KANK2: variants seen among roughly 807,000 people sequenced by gnomAD.
KANK2 encodes the protein KN motif and ankyrin repeat domains 2, also known as KN motif and ankyrin repeat domain-containing protein 2.
A neutral mutation model predicts 74.6 loss-of-function variants in KANK2; 41 were observed. The observed-to-expected ratio is 0.55, with a 90% CI of 0.43 to 0.71. The LOEUF (loss-of-function observed/expected upper bound fraction) is 0.71. KANK2 is among the 30% of genes least tolerant of loss of function. The probability of loss-of-function intolerance (pLI) is 0.00; values close to 1 mark genes in which losing one functional copy is unlikely to be tolerated. For synonymous variants in KANK2, 537 were observed against 519.0 expected (o/e 1.03, Z -0.47); for missense variants, 1,148 against 1,196.4 (o/e 0.96, Z 0.60).
chr19:11,171,587 T>A (rs2078174769), intron 10 of KANK2, among the ~76,000 whole-genome samples: 1 of 152,056 alleles, frequency 6.6e-6, no homozygotes. Flanking sequence ...TTCCCCAGGC[T>A]GGTCTGGAAC....
At chr19:11,181,916 A>ATTTT (rs371144441) in intron 4 of KANK2, among the ~76,000 whole-genome samples, 18 of 132,902 alleles carry the variant, frequency 1.4e-4, no homozygotes, top group East Asian at 1.3e-3. Context: ...AAGATGGTTA[A>ATTTT]TTTTTTTTTT....
rs998950377 is a variant in KANK2, at chr19:11,170,575, G to C, written c.2212-327C>G. The stretch of plus-strand genomic sequence containing the variant: ...AACAGGGTGAATGTATTTCATGCCA[G>C]TAGTGCTTTTGGTTTTGTTTTGCTT... On this transcript the variant is annotated intron_variant, in intron 10 of 12. Coordinates refer to ENST00000586659, the MANE Select transcript of KANK2 (RefSeq NM_001136191.3). The surrounding 1 kb of genome is among the most constrained non-coding windows in gnomAD (Gnocchi z 5.2). Among the ~76,000 whole-genome samples the C allele has an allele frequency of 6.6e-6, 1 of 152,186 alleles. No individual in the cohort carries two copies. Among genetic ancestry groups the C allele is most frequent in the Admixed American group, 6.5e-5 (1 of 15,274 alleles).
chr19:11,178,756 A>C (rs2078428033), intron 4 of KANK2, 36 bp from the exon 5 acceptor site: 1 of 1,483,038 alleles, frequency 6.7e-7, no homozygotes, highest in South Asian at 1.4e-5. Context: ...GCTCTTGGTC[A>C]TAAAAGCCAA....
intron 4 of KANK2, among the ~76,000 whole-genome samples, chr19:11,190,368 T>C (rs989273715): frequency 1.3e-5 from 2 of 152,072 alleles, no homozygotes; most frequent in African/African-American, 4.8e-5. Context: ...GCTCAGGTTA[T>C]CCACCCACCT....
At chr19:11,176,087 C>CCCT (rs762049386) in intron 7 of KANK2, 98 bp from the exon 8 acceptor site, 2 of 889,326 alleles carry the variant, frequency 2.2e-6, no homozygotes, top group Non-Finnish European at 3.6e-6. Flanking sequence ...AATAGGGTCA[C>CCCT]CTGAATGGTG....
intron 4 of KANK2, among the ~76,000 whole-genome samples, chr19:11,190,992 A>C (rs1383873539): frequency 6.7e-6 from 1 of 149,152 alleles, no homozygotes; most frequent in Non-Finnish European, 1.5e-5. Context: ...CTGCCTCCCA[A>C]AGTGCTGGGA....
intron 2 of KANK2, chr19:11,194,878 G>A (rs540257073): frequency 1.7e-4 from 33 of 199,614 alleles, no homozygotes; most frequent in African/African-American, 7.2e-4. Context: ...CTGGGGCTGG[G>A]GGGCCCCAAG....
At chr19:11,169,853 C>T in intron 12 of KANK2, 24 bp downstream of exon 12, 8 of 1,598,360 alleles carry the variant, frequency 5.0e-6, no homozygotes, top group Non-Finnish European at 6.9e-6. Flanking sequence ...CATCCCGTGC[C>T]TACCCGGCCG....
At chr19:11,182,508 G>A (rs138019538) in intron 4 of KANK2, among the ~76,000 whole-genome samples, 24 of 137,318 alleles carry the variant, frequency 1.7e-4, no homozygotes, top group African/African-American at 3.3e-4. Context: ...CCTGGGTGAC[G>A]GAGTGAGACC....
In KANK2 at chr19:11,174,463, C is replaced by G; in HGVS notation, c.2068+10G>C. On this transcript the variant is annotated intron_variant, in intron 9 of 12. Transcript: ENST00000586659. ...GTTTAGAGCCGCCTCGTCCTCCCCG[C>G]TGGGCTCACCGCTGTCGAGCAGCTG... The G allele has an allele frequency of 6.3e-7, 1 of 1,597,272 alleles. No individual in the cohort carries two copies. Among genetic ancestry groups the G allele is most frequent in the Non-Finnish European group, 8.5e-7 (1 of 1,172,106 alleles).
intron 4 of KANK2, among the ~76,000 whole-genome samples, chr19:11,190,092 C>A (rs539602520): frequency 2.6e-4 from 39 of 152,186 alleles, no homozygotes; most frequent in Non-Finnish European, 5.1e-4. Context: ...TACCTTCGAG[C>A]CCTGCTGCAG....
In KANK2 at chr19:11,184,617, T is replaced by C. The variant is rs959453355; in HGVS notation, c.1250-5897A>G. 1.1e-4 allele frequency among the ~76,000 whole-genome samples: 16 copies of C among 149,534 alleles called. 1 individual carries two copies. Among genetic ancestry groups the C allele is most frequent in the Admixed American group, 5.4e-4 (8 of 14,722 alleles). On this transcript the variant is annotated intron_variant, in intron 4 of 12. Coordinates refer to ENST00000586659, the MANE Select transcript of KANK2 (RefSeq NM_001136191.3). ...CCAGTCACAGACAGTATGTAAGTGA[T>C]TCCGCGTGGCTGTATCCAATAAGTT... is the stretch of plus-strand genomic sequence containing the variant.
In KANK2 at chr19:11,178,251, A is replaced by T; in HGVS notation, c.1520+94T>A. On this transcript the variant is annotated intron_variant, in intron 6 of 12. Coordinates refer to ENST00000586659, the MANE Select transcript of KANK2 (RefSeq NM_001136191.3). Reference sequence around the variant, plus strand: ...ATTAAACGAATTAACCAAAGCAAGGAGCTCAGAATGAGGTAATTAGGAGGC... The same window carrying T: ...ATTAAACGAATTAACCAAAGCAAGGTGCTCAGAATGAGGTAATTAGGAGGC... The T allele has an allele frequency of 7.5e-6, 8 of 1,060,862 alleles. 1 individual carries two copies. The South Asian group carries it at 1.6e-4, about 22-fold the overall frequency. The allele number at this position is 1,060,862 out of a possible 1,614,324, so 65.7% of individuals were successfully genotyped here. A position where few individuals can be genotyped will look rare whatever the true frequency, so the allele number is the denominator to read the frequency against.
At position 11,180,436 on chromosome 19, in the gene KANK2, C is replaced by A. The variant is rs553771514; in HGVS notation, c.1250-1716G>T. The stretch of plus-strand genomic sequence containing the variant: ...TGCCATATACAGTGACTTCCTGAGG[C>A]CCACAGGCAATATTCAACTTTAGTA... On this transcript the variant is annotated intron_variant, in intron 4 of 12. Transcript: ENST00000586659. 1.7e-4 allele frequency among the ~76,000 whole-genome samples: 26 copies of A among 152,066 alleles called. No homozygotes were observed. The South Asian group carries it at 2.9e-3, about 17-fold the overall frequency.
intron 4 of KANK2, among the ~76,000 whole-genome samples, chr19:11,191,612 T>G (rs2078848576): frequency 6.6e-6 from 1 of 152,246 alleles, no homozygotes; most frequent in Non-Finnish European, 1.5e-5. Context: ...TCTGGGATTT[T>G]TACTGGTGCT....
intron 2 of KANK2, 63 bp from the exon 3 acceptor site, chr19:11,194,653 G>C: frequency 7.8e-6 from 5 of 639,902 alleles, no homozygotes; most frequent in Non-Finnish European, 8.6e-6. Context: ...AGGAGATGAG[G>C]CCAGCCCCCT....
At position 11,166,407 on chromosome 19, in the gene KANK2, C is replaced by A. The variant is rs532337724; in HGVS notation, c.*151G>T. The stretch of plus-strand genomic sequence containing the variant: ...GGAGTCCTGTGGCCGTCGGGGCTCC[C>A]CCAGGGAAGCAGAGGGAGAGCTCGC... On this transcript the variant is annotated 3_prime_UTR_variant, in exon 13 of 13. Coordinates refer to ENST00000586659, the MANE Select transcript of KANK2 (RefSeq NM_001136191.3). 3 of 694,276 alleles carry A rather than the reference C, an allele frequency of 4.3e-6. No homozygotes were observed. Among genetic ancestry groups the A allele is most frequent in the South Asian group, 3.6e-5 (2 of 55,078 alleles). The allele number at this position is 694,276 out of a possible 1,614,324, so 43.0% of individuals were successfully genotyped here.
At chr19:11,177,162 C>G (rs1008348032) in intron 6 of KANK2, among the ~76,000 whole-genome samples, 3 of 145,790 alleles carry the variant, frequency 2.1e-5, no homozygotes, top group Non-Finnish European at 4.5e-5. Context: ...GTGGCACTCA[C>G]TGCAAACTCT....
In KANK2 at chr19:11,170,943, TCCTGAGTAGCTG is replaced by T. The variant is rs2078157388; in HGVS notation, c.2212-707_2212-696del. On this transcript the variant is annotated intron_variant, in intron 10 of 12. Coordinates refer to ENST00000586659, the MANE Select transcript of KANK2 (RefSeq NM_001136191.3). This position sits in a 1 kb window ranked among gnomAD's most constrained non-coding sequence, Gnocchi z 5.2. ...TCCAAGCAACTCTCCTGCCTCAGCC[TCCTGAGTAGCTG>T]AGATTACAGGCGTGTGCCACTACGC... 6.6e-6 allele frequency among the ~76,000 whole-genome samples: 1 copy of T among 152,154 alleles called. No individual in the cohort carries two copies. The highest frequency in any genetic ancestry group is 1.5e-5 in the Non-Finnish European group (1 of 68,018).
Sources: gnomAD v4.1 joint callset for allele counts (sites outside exome capture counted in the v4.1 genomes callset) on GRCh38, gnomAD v4.1.1 for gene constraint, Gnocchi (gnomAD v3.1) non-coding constraint, MANE v1.5 for transcripts, NCBI Gene and HGNC (gene_info 2026-07-23, HGNC 2026-07-21) for gene names.